DGKB: variants seen among roughly 807,000 people sequenced by gnomAD.
The protein encoded by DGKB is 90 kDa diacylglycerol kinase.
In DGKB, 67 loss-of-function variants were observed where a neutral mutation model predicts 114.3. The ratio of observed to expected loss-of-function variants is 0.59; its 90% CI spans 0.48 to 0.72. The LOEUF (loss-of-function observed/expected upper bound fraction) is 0.72. Ranked by LOEUF, DGKB falls within the 30% of genes least tolerant of loss-of-function variation. The pLI, the probability that DGKB is intolerant of heterozygous loss-of-function variation, is 0.00. For missense variants in DGKB, 907 were observed against 975.2 expected (o/e 0.93, Z 0.93); for synonymous variants, 398 against 323.1 (o/e 1.23, Z -2.49).
At chr7:14,744,623 C>T (rs1833007570) in intron 4 of DGKB, among the ~76,000 whole-genome samples, 1 of 152,162 alleles carries the variant, frequency 6.6e-6, no homozygotes, top group Non-Finnish European at 1.5e-5. Flanking sequence ...AGAATTCCAT[C>T]AAAAGCAATT....
intron 20 of DGKB, among the ~76,000 whole-genome samples, chr7:14,535,889 T>G (rs1465623019): frequency 6.6e-6 from 1 of 152,082 alleles, no homozygotes; most frequent in Non-Finnish European, 1.5e-5. Context: ...CTGGCCTGTT[T>G]TTTTTAAGAT....
At chr7:14,364,273 T>C (rs926013682) in intron 21 of DGKB, among the ~76,000 whole-genome samples, 1 of 152,034 alleles carries the variant, frequency 6.6e-6, no homozygotes, top group Non-Finnish European at 1.5e-5. Context: ...GAAATTCCCT[T>C]CCTTTGCCTG....
intron 1 of DGKB, among the ~76,000 whole-genome samples, chr7:14,920,860 T>G (rs1172426126): frequency 1.5e-5 from 2 of 134,758 alleles, no homozygotes; most frequent in African/African-American, 3.2e-5. Flanking sequence ...ATAAATAAAC[T>G]TACATGTATT....
intron 20 of DGKB, among the ~76,000 whole-genome samples, chr7:14,507,736 C>A (rs1787319541): frequency 6.6e-6 from 1 of 152,092 alleles, no homozygotes; most frequent in Non-Finnish European, 1.5e-5. Flanking sequence ...TATCGAAATT[C>A]CACTATGTTG....
At chr7:14,828,569 G>C (rs559963291) in intron 2 of DGKB, among the ~76,000 whole-genome samples, 1 of 151,922 alleles carries the variant, frequency 6.6e-6, no homozygotes. Context: ...CTATCTGAGA[G>C]AGTATTTAGT....
intron 25 of DGKB, chr7:14,176,138 T>C (rs113873614): frequency 0.014 from 2,180 of 154,806 alleles, 40 homozygotes; most frequent in African/African-American, 0.05. Flanking sequence ...ATATTTATCA[T>C]GTAGTTGTTT....
In DGKB at chr7:14,284,620, A is replaced by C. The variant is rs1360796757; in HGVS notation, c.2122+53895T>G. 1.1e-4 allele frequency among the ~76,000 whole-genome samples: 16 copies of C among 145,158 alleles called. No individual in the cohort carries two copies. The East Asian group carries it at 2.0e-3, about 18-fold the overall frequency. ...AGACTTGGAACCAACCCAAATGTCC[A>C]ACAATGATAGACTGGATTAAGAAAA... On this transcript the variant is annotated intron_variant, in intron 23 of 25. Transcript: ENST00000402815.
intron 6 of DGKB, among the ~76,000 whole-genome samples, chr7:14,709,624 C>T (rs868463959): frequency 7.5e-4 from 108 of 143,676 alleles, no homozygotes; most frequent in African/African-American, 2.5e-3. Context: ...CACCATGGAA[C>T]ACTATGCAGC....
At chr7:14,300,250 G>C (rs995092272) in intron 23 of DGKB, among the ~76,000 whole-genome samples, 2 of 151,990 alleles carry the variant, frequency 1.3e-5, no homozygotes, top group African/African-American at 4.8e-5. Context: ...ACATACAATA[G>C]CAAAGTGCAC....
chr7:14,886,007 A>C (rs940862259), intron 1 of DGKB, among the ~76,000 whole-genome samples: 1 of 151,964 alleles, frequency 6.6e-6, no homozygotes, highest in African/African-American at 2.4e-5. Flanking sequence ...GGAAAATCAA[A>C]ACCCTATACA....
At chr7:14,653,254 C>A (rs1228353297) in intron 13 of DGKB, among the ~76,000 whole-genome samples, 1 of 150,330 alleles carries the variant, frequency 6.7e-6, no homozygotes, top group Non-Finnish European at 1.5e-5. Flanking sequence ...TGGAACCAAC[C>A]CAAATGTCCC....
intron 1 of DGKB, among the ~76,000 whole-genome samples, chr7:14,848,967 T>G (rs1190812179): frequency 6.6e-6 from 1 of 151,942 alleles, no homozygotes; most frequent in African/African-American, 2.4e-5. Flanking sequence ...TCTGCTTGCT[T>G]TTTTCCCCTT....
At chr7:14,349,273 CA>C (rs1196303447) in intron 21 of DGKB, among the ~76,000 whole-genome samples, 1 of 151,978 alleles carries the variant, frequency 6.6e-6, no homozygotes, top group Non-Finnish European at 1.5e-5. Flanking sequence ...TCTCTGAATG[CA>C]TAGACGAGAA....
At chr7:14,836,236 T>A (rs1847139789) in intron 2 of DGKB, among the ~76,000 whole-genome samples, 1 of 152,196 alleles carries the variant, frequency 6.6e-6, no homozygotes, top group Non-Finnish European at 1.5e-5. Context: ...GTCCAAACAT[T>A]ATGCACATTC....
intron 2 of DGKB, among the ~76,000 whole-genome samples, chr7:14,791,458 A>C (rs1040803682): frequency 2.0e-5 from 3 of 152,128 alleles, no homozygotes; most frequent in Admixed American, 2.0e-4. Context: ...ACTATGTTGA[A>C]TTGAAAAAGG....
intron 21 of DGKB, among the ~76,000 whole-genome samples, chr7:14,398,806 T>C (rs531024361): frequency 4.8e-5 from 7 of 144,532 alleles, no homozygotes; most frequent in African/African-American, 1.8e-4. Context: ...AAAAAAAAAG[T>C]TGCAGAAACA....
intron 1 of DGKB, among the ~76,000 whole-genome samples, chr7:14,940,538 C>G (rs1361914616): frequency 6.6e-6 from 1 of 151,980 alleles, no homozygotes; most frequent in Non-Finnish European, 1.5e-5. Flanking sequence ...CTTTAATAAC[C>G]ATATCCAGCT....
chr7:14,853,842 T>C (rs1849729691), intron 1 of DGKB, among the ~76,000 whole-genome samples: 1 of 125,538 alleles, frequency 8.0e-6, no homozygotes, highest in African/African-American at 3.1e-5. Context: ...CACTTCAGCC[T>C]GGGCGACAGA....
At chr7:14,818,488 C>T (rs1844473814) in intron 2 of DGKB, among the ~76,000 whole-genome samples, 1 of 152,172 alleles carries the variant, frequency 6.6e-6, no homozygotes, top group African/African-American at 2.4e-5. Context: ...GCCCACTATA[C>T]TTCTGCAGGT....
Sources: allele counts gnomAD v4.1 joint callset (sites outside exome capture counted in the v4.1 genomes callset), GRCh38; gene constraint gnomAD v4.1.1; transcripts MANE v1.5; gene names NCBI Gene and HGNC (gene_info 2026-07-23, HGNC 2026-07-21).